Variants in BLTP1 observed in about 807,000 individuals in gnomAD.
BLTP1 encodes the protein bridge-like lipid transfer protein family member 1, also known as fragile site-associated protein.
the BLTP1 span, chr4:122,208,161 A>G: frequency 2.1e-6 from 2 of 945,804 alleles, no homozygotes; most frequent in African/African-American, 1.8e-5. Context: ...GCTAACATCT[A>G]TTAAACATTT....
the BLTP1 span, chr4:122,195,772 A>G: frequency 2.3e-6 from 1 of 426,078 alleles, no homozygotes; most frequent in East Asian, 1.6e-4. Flanking sequence ...TTCCTTTCAT[A>G]TATTTTAATT....
chr4:122,270,413 A>G, the BLTP1 span: 8 of 927,502 alleles, frequency 8.6e-6, no homozygotes, highest in African/African-American at 1.4e-4. Context: ...GAAATTTGAG[A>G]TATTTTTGAC....
the BLTP1 span, chr4:122,162,699 G>A: frequency 1.0e-6 from 1 of 977,438 alleles, no homozygotes; most frequent in African/African-American, 1.8e-5. Context: ...AGAGGAAAAG[G>A]GACAGTAGAA....
the BLTP1 span, chr4:122,180,002 C>T: frequency 5.1e-6 from 5 of 981,798 alleles, no homozygotes; most frequent in Non-Finnish European, 1.2e-6. Context: ...CAAAGGCATC[C>T]ATCTCTCATA....
chr4:122,329,567 G>A, the BLTP1 span, among the ~76,000 whole-genome samples: 1 of 150,886 alleles, frequency 6.6e-6, no homozygotes, highest in Middle Eastern at 3.4e-3. Flanking sequence ...TGTCTTAACA[G>A]TAATCGGACA....
chr4:122,234,375 G>GAGCT, the BLTP1 span: 1 of 155,294 alleles, frequency 6.4e-6, no homozygotes, highest in Non-Finnish European at 1.4e-5. Flanking sequence ...TAAAGGTAAT[G>GAGCT]AGCTATCAAG....
chr4:122,305,389 C>T, the BLTP1 span: 21 of 950,046 alleles, frequency 2.2e-5, no homozygotes, highest in Middle Eastern at 5.4e-4. Flanking sequence ...CAGTTAGATT[C>T]TCTATTTTAT....
chr4:122,157,216 C>T, the BLTP1 span, among the ~76,000 whole-genome samples: 6 of 152,090 alleles, frequency 3.9e-5, no homozygotes, highest in African/African-American at 7.2e-5. Context: ...GGGTTTAAAC[C>T]GATAAATGTT....
chr4:122,347,601 C>T, the BLTP1 span: 1 of 1,613,852 alleles, frequency 6.2e-7, no homozygotes. Flanking sequence ...AAGCTTACTG[C>T]AAGACCTGGG....
the BLTP1 span, chr4:122,190,416 G>A: frequency 1.0e-6 from 1 of 976,436 alleles, no homozygotes; most frequent in South Asian, 4.7e-5. Flanking sequence ...TTAAAAGTAT[G>A]TTTCATAGCT....
the BLTP1 span, chr4:122,187,199 T>A: frequency 3.1e-6 from 3 of 980,872 alleles, no homozygotes; most frequent in African/African-American, 5.2e-5. Context: ...AACATAGTTT[T>A]GTTATAATAG....
the BLTP1 span, among the ~76,000 whole-genome samples, chr4:122,322,828 C>A: frequency 6.6e-6 from 1 of 152,100 alleles, no homozygotes; most frequent in African/African-American, 2.4e-5. Flanking sequence ...AATATTCCCA[C>A]TGGTTAGGCT....
the BLTP1 span, chr4:122,162,710 G>A: frequency 1.1e-6 from 1 of 949,846 alleles, no homozygotes; most frequent in Non-Finnish European, 1.2e-6. Context: ...GACAGTAGAA[G>A]GTAATGGGGT....
At chr4:122,328,322 T>A in the BLTP1 span, 1 of 1,610,222 alleles carries the variant, frequency 6.2e-7, no homozygotes, top group African/African-American at 1.3e-5. Flanking sequence ...ATGAAGACCA[T>A]GAGAGGGAAA....
At chr4:122,340,463 A>C in the BLTP1 span, among the ~76,000 whole-genome samples, 1 of 152,144 alleles carries the variant, frequency 6.6e-6, no homozygotes, top group African/African-American at 2.4e-5. Flanking sequence ...TTATTCTAAC[A>C]ATCTCATCAA....
chr4:122,189,967 G>A, the BLTP1 span: 3 of 1,597,074 alleles, frequency 1.9e-6, no homozygotes, highest in South Asian at 1.1e-5. Flanking sequence ...CTGGAGATTT[G>A]TTTAGTTTGC....
chr4:122,300,048 C>A, the BLTP1 span: 1 of 637,162 alleles, frequency 1.6e-6, no homozygotes, highest in Non-Finnish European at 2.0e-6. Context: ...CTCTGTCATC[C>A]AGGCTGGAAT....
chr4:122,272,034 T>C, the BLTP1 span: 3 of 1,188,114 alleles, frequency 2.5e-6, no homozygotes, highest in South Asian at 4.8e-5. Context: ...AATCATTTTG[T>C]TGGGGATTAG....
chr4:122,260,200 G>A, the BLTP1 span, among the ~76,000 whole-genome samples: 1 of 152,180 alleles, frequency 6.6e-6, no homozygotes, highest in Non-Finnish European at 1.5e-5. Context: ...CAATTGGAAT[G>A]CAATGGTGTT....
Sources: allele counts gnomAD v4.1 joint callset (sites outside exome capture counted in the v4.1 genomes callset), GRCh38; gene constraint gnomAD v4.1.1; transcripts MANE v1.5; gene names NCBI Gene and HGNC (gene_info 2026-07-23, HGNC 2026-07-21).